LINGO2: variants seen among roughly 807,000 people sequenced by gnomAD.
The protein encoded by LINGO2 is leucine-rich repeat and immunoglobulin-like domain-containing nogo receptor-interacting protein 2.
LINGO2 carries 14 observed loss-of-function variants against 30.6 expected under a neutral mutation model. That is an observed-to-expected ratio of 0.46 (90% CI 0.30 to 0.72). The LOEUF is 0.72. LINGO2 is among the 30% of genes least tolerant of loss of function. The probability of loss-of-function intolerance (pLI) is 0.07; values close to 1 mark genes in which losing one functional copy is unlikely to be tolerated. For missense variants in LINGO2, 729 were observed against 751.7 expected, an observed-to-expected ratio of 0.97 and a Z score of 0.35; for synonymous variants, 317 against 288.5, an observed-to-expected ratio of 1.10 and a Z score of -1.00.
intron 1 of LINGO2, among the ~76,000 whole-genome samples, chr9:28,664,996 C>CAT (rs10527878): frequency 0.036 from 3,459 of 95,712 alleles, 84 homozygotes; most frequent in Non-Finnish European, 0.05. Context: ...TATGTGTTTA[C>CAT]ATATATATAT....
At chr9:28,385,122 T>C (rs919868372) in intron 2 of LINGO2, among the ~76,000 whole-genome samples, 18 of 152,328 alleles carry the variant, frequency 1.2e-4, no homozygotes, top group African/African-American at 4.3e-4. Flanking sequence ...TCTTGGACGC[T>C]GACCTCTAGT....
intron 2 of LINGO2, among the ~76,000 whole-genome samples, chr9:28,467,043 G>C (rs559035470): frequency 2.7e-5 from 4 of 150,700 alleles, no homozygotes; most frequent in South Asian, 2.1e-4. Context: ...TTTGGGGGGG[G>C]GGGACGGAGT....
At chr9:28,443,532 C>G (rs1027751614) in intron 2 of LINGO2, among the ~76,000 whole-genome samples, 4 of 152,238 alleles carry the variant, frequency 2.6e-5, no homozygotes, top group Non-Finnish European at 5.9e-5. Context: ...CTTGATGTGC[C>G]TGCTCCTGCT....
At chr9:28,045,311 A>T (rs1824370122) in intron 4 of LINGO2, among the ~76,000 whole-genome samples, 1 of 151,382 alleles carries the variant, frequency 6.6e-6, no homozygotes, top group South Asian at 2.1e-4. Context: ...AGGGAGAGTT[A>T]AACTTTGAGT....
At chr9:29,011,488 C>T in the LINGO2 span, among the ~76,000 whole-genome samples, 1 of 152,114 alleles carries the variant, frequency 6.6e-6, no homozygotes, top group South Asian at 2.1e-4. Flanking sequence ...GTAGGTCTAT[C>T]CCAAGATTTA....
chr9:28,397,374 C>CATATATATATATATACATACAT (rs375219396), intron 2 of LINGO2, among the ~76,000 whole-genome samples: 5 of 116,310 alleles, frequency 4.3e-5, no homozygotes, highest in Non-Finnish European at 9.5e-5. Context: ...TATATATATA[C>CATATATATATATATACATACAT]ATATATATAT....
At chr9:28,814,795 T>TCA in the LINGO2 span, among the ~76,000 whole-genome samples, 6 of 148,634 alleles carry the variant, frequency 4.0e-5, no homozygotes, top group African/African-American at 9.8e-5. Flanking sequence ...CCTCTCTCTC[T>TCA]CACACACACA....
Position 28,650,145 on chromosome 9 carries a change from A to C in LINGO2, c.-365+20055T>G, listed in dbSNP as rs137870527. On this transcript the variant is annotated intron_variant, in intron 1 of 5. Transcript: ENST00000379992. ...GAATATTACTATATTAAGAAATGAA[A>C]AAAAAGAAAATTGGACACCCTCAGA... 5.0e-3 allele frequency among the ~76,000 whole-genome samples: 765 copies of C among 152,258 alleles called. 8 individuals are homozygous for C. The highest frequency in any genetic ancestry group is 0.018 in the African/African-American group (740 of 41,556).
chr9:28,176,865 C>T (rs1828764624), intron 4 of LINGO2, among the ~76,000 whole-genome samples: 1 of 152,154 alleles, frequency 6.6e-6, no homozygotes, highest in South Asian at 2.1e-4. Flanking sequence ...CATACTGTTA[C>T]TCAATCATTT....
At chr9:28,589,802 T>G (rs1217080702) in intron 1 of LINGO2, among the ~76,000 whole-genome samples, 1 of 152,008 alleles carries the variant, frequency 6.6e-6, no homozygotes, top group Non-Finnish European at 1.5e-5. Context: ...AAAAAACTAC[T>G]TTAAAGTTCA....
chr9:27,946,039 GTCACAA>G (rs1050271422), downstream of LINGO2, among the ~76,000 whole-genome samples: 551 of 152,218 alleles, frequency 3.6e-3, 3 homozygotes, highest in African/African-American at 0.012. Flanking sequence ...TTAGGAATAC[GTCACAA>G]GAGTATTACT....
At chr9:29,123,326 G>A in the LINGO2 span, among the ~76,000 whole-genome samples, 2 of 151,884 alleles carry the variant, frequency 1.3e-5, no homozygotes, top group African/African-American at 4.8e-5. Flanking sequence ...ATGAGCATCG[G>A]CAATAAACAT....
the LINGO2 span, among the ~76,000 whole-genome samples, chr9:28,783,116 T>C: frequency 1.3e-5 from 2 of 152,230 alleles, no homozygotes; most frequent in African/African-American, 2.4e-5. Context: ...AACTGCATTA[T>C]ATTTTATGAA....
chr9:28,731,336 C>T, the LINGO2 span, among the ~76,000 whole-genome samples: 3 of 152,022 alleles, frequency 2.0e-5, no homozygotes, highest in Admixed American at 2.0e-4. Flanking sequence ...ATCTGTGGTA[C>T]ATTCACACCA....
At chr9:28,666,132 T>C (rs1828792261) in intron 1 of LINGO2, among the ~76,000 whole-genome samples, 1 of 152,178 alleles carries the variant, frequency 6.6e-6, no homozygotes, top group East Asian at 1.9e-4. Flanking sequence ...CCTCAGGTGA[T>C]CGACCCTCCT....
At chr9:28,813,268 G>A in the LINGO2 span, among the ~76,000 whole-genome samples, 2 of 152,226 alleles carry the variant, frequency 1.3e-5, no homozygotes, top group South Asian at 2.1e-4. Flanking sequence ...CTGAAACTCA[G>A]TACCAACCCT....
rs1395787125 is a variant in LINGO2 at position 28,329,565 on chromosome 9, G to A, written c.-245-34199C>T. On this transcript the variant is annotated intron_variant, in intron 3 of 5. Coordinates refer to ENST00000379992, the Ensembl canonical transcript of LINGO2. The surrounding 1 kb of genome is among the most constrained non-coding windows in gnomAD (Gnocchi z 4.5). ...TCAGACTTGTTTGAGCCAGGGCTTCGGTTCAAGCCAGGATATCCAAGCATA... is the reference window on the plus strand; with the variant it reads ...TCAGACTTGTTTGAGCCAGGGCTTCAGTTCAAGCCAGGATATCCAAGCATA... Among the ~76,000 whole-genome samples the A allele has an allele frequency of 2.0e-5, 3 of 152,036 alleles. No homozygotes were observed. The highest frequency in any genetic ancestry group is 3.9e-4 in the East Asian group (2 of 5,180).
At chr9:28,889,970 T>G in the LINGO2 span, among the ~76,000 whole-genome samples, 9 of 152,140 alleles carry the variant, frequency 5.9e-5, no homozygotes, top group African/African-American at 1.7e-4. Context: ...ATAAAAAGCA[T>G]GTGTATAGGC....
At chr9:28,571,303 CT>C (rs1262204319) in intron 1 of LINGO2, among the ~76,000 whole-genome samples, 1 of 151,958 alleles carries the variant, frequency 6.6e-6, no homozygotes, top group African/African-American at 2.4e-5. Flanking sequence ...CTTTCAGAGG[CT>C]TGTACTTCTA....
Sources: gnomAD v4.1 joint callset for allele counts (sites outside exome capture counted in the v4.1 genomes callset) on GRCh38, gnomAD v4.1.1 for gene constraint, Gnocchi (gnomAD v3.1) non-coding constraint, MANE v1.5 for transcripts, NCBI Gene and HGNC (gene_info 2026-07-23, HGNC 2026-07-21) for gene names.